The following TRIM16 variants were observed in gnomAD, a reference collection of about 807,000 sequenced individuals.
The protein encoded by TRIM16 is tripartite motif containing 16, also known as tripartite motif-containing protein 16.
A neutral mutation model predicts 50.4 loss-of-function variants in TRIM16; 33 were observed. The observed-to-expected ratio is 0.65, with a 90% CI of 0.50 to 0.88. TRIM16 has a LOEUF of 0.88. Among genes scored for constraint, TRIM16 ranks in the 40% least tolerant of loss-of-function variants. The pLI, the probability that TRIM16 is intolerant of heterozygous loss-of-function variation, is 0.00. For missense variants in TRIM16, 581 were observed against 686.8 expected, an observed-to-expected ratio of 0.85 and a Z score of 1.72; for synonymous variants, 229 against 270.7, an observed-to-expected ratio of 0.85 and a Z score of 1.51.
At chr17:15,667,444 A>G (rs576807394) in intron 6 of TRIM16, among the ~76,000 whole-genome samples, 19 of 152,372 alleles carry the variant, frequency 1.2e-4, no homozygotes, top group South Asian at 8.3e-4. Context: ...ACATGACTTT[A>G]TAACATTCTA....
chr17:15,674,690 AT>A (rs1988855112), intron 6 of TRIM16, among the ~76,000 whole-genome samples: 2 of 152,116 alleles, frequency 1.3e-5, no homozygotes, highest in Admixed American at 1.3e-4. Context: ...TGTTCTTGCC[AT>A]TTTGGACCAG....
At chr17:15,664,186 G>A (rs75551447) in intron 6 of TRIM16, among the ~76,000 whole-genome samples, 3,765 of 152,290 alleles carry the variant, frequency 0.025, 121 homozygotes, top group African/African-American at 0.072. Context: ...TGAAGAAGCA[G>A]CACAGATGAT....
intron 8 of TRIM16, among the ~76,000 whole-genome samples, chr17:15,638,542 C>G (rs530250698): frequency 6.7e-6 from 1 of 149,368 alleles, no homozygotes; most frequent in South Asian, 2.2e-4. Context: ...TGCACTCCAG[C>G]CCTATCCCAT....
At position 15,675,784 on chromosome 17, in the gene TRIM16, C is replaced by T. The variant is rs143661661; in HGVS notation, c.-338+1392G>A. 7.0e-3 allele frequency: 1,069 copies of T among 152,362 alleles called. 13 individuals carry two copies. The highest frequency in any genetic ancestry group is 0.025 in the African/African-American group (1,020 of 40,464). 9.4% of individuals were successfully genotyped at this position (152,362 alleles called of 1,614,324 possible). On this transcript the variant is annotated intron_variant, in intron 6 of 11. Transcript: ENST00000649191. ...ACATACGTATGTGTATATACACATA[C>T]GTATATATACATGTGTATATACATA...
chr17:15,636,522 C>CG (rs1315038070), intron 8 of TRIM16, among the ~76,000 whole-genome samples: 3 of 149,184 alleles, frequency 2.0e-5, no homozygotes, highest in Admixed American at 2.0e-4. Flanking sequence ...CCTCACAACT[C>CG]TGACACTCCG....
At chr17:15,645,668 T>C (rs146022728) in intron 7 of TRIM16, among the ~76,000 whole-genome samples, 5,131 of 152,298 alleles carry the variant, frequency 0.034, 106 homozygotes, top group Non-Finnish European at 0.048. Flanking sequence ...GAGCATAAAC[T>C]GTCTCTCCAT....
At chr17:15,675,477 A>G (rs1006729408) in intron 6 of TRIM16, 2 of 169,346 alleles carry the variant, frequency 1.2e-5, no homozygotes, top group Admixed American at 6.5e-5. Flanking sequence ...GAAAAACCCT[A>G]CAAGTGTAAA....
intron 11 of TRIM16, among the ~76,000 whole-genome samples, chr17:15,629,563 G>GTAC (rs1986299692): frequency 6.6e-6 from 1 of 152,268 alleles, no homozygotes; most frequent in Non-Finnish European, 1.5e-5. Context: ...GGGGAAGCAG[G>GTAC]TACTCCTATA....
chr17:15,642,024 A>G (rs1388409566), intron 8 of TRIM16, among the ~76,000 whole-genome samples: 3 of 148,070 alleles, frequency 2.0e-5, no homozygotes, highest in Admixed American at 2.0e-4. Context: ...TGTATTTTTT[A>G]GTAGAGTCAG....
chr17:15,665,911 C>G (rs1256898050), intron 6 of TRIM16, among the ~76,000 whole-genome samples: 1 of 152,014 alleles, frequency 6.6e-6, no homozygotes, highest in Non-Finnish European at 1.5e-5. Flanking sequence ...TAAGGCCTCC[C>G]TAGATCCCAA....
In TRIM16 at chr17:15,627,988, T is replaced by C. The variant is rs1986192646; in HGVS notation, c.*627A>G. 1 of 152,266 alleles carries C rather than the reference T, an allele frequency of 6.6e-6. No homozygotes were observed. Among genetic ancestry groups the C allele is most frequent in the Non-Finnish European group, 1.5e-5 (1 of 68,086 alleles). 9.4% of individuals were successfully genotyped at this position (152,266 alleles called of 1,614,324 possible). A position where few individuals can be genotyped will look rare whatever the true frequency, so the allele number is the denominator to read the frequency against. On this transcript the variant is annotated 3_prime_UTR_variant, in exon 12 of 12. Transcript: ENST00000649191. ...AAATACGCAAGTTAGCAATTTATTA[T>C]GATAACTCTGCAATCTTTTCAGCCA...
chr17:15,658,969 G>A, intron 6 of TRIM16: 1 of 682,416 alleles, frequency 1.5e-6, no homozygotes, highest in East Asian at 1.4e-4. Context: ...GCAGATTACA[G>A]ACACTAAGGG....
chr17:15,664,619 C>T (rs1360070959), intron 6 of TRIM16, among the ~76,000 whole-genome samples: 4 of 152,220 alleles, frequency 2.6e-5, no homozygotes, highest in African/African-American at 7.2e-5. Context: ...TCAACTCTAG[C>T]GTCTCAGAGC....
chr17:15,679,946 A>AG (rs1371018511), intron 4 of TRIM16, among the ~76,000 whole-genome samples: 1 of 151,606 alleles, frequency 6.6e-6, no homozygotes, highest in East Asian at 1.9e-4. Context: ...CAAAAAAAAA[A>AG]AAAAAGAAAA....
Position 15,628,927 on chromosome 17 carries a change from G to A in TRIM16, c.1383C>T (p.Ser461=), listed in dbSNP as rs752850939. ...GGAGGCTCCAGGAGAAGTTGTTTCC[G>A]GAAATGCAACTGTTGCGCTCCTCCC... is the stretch of plus-strand genomic sequence containing the variant. The part of the protein sequence containing the change: ...RKGEERNSCI[S]GNNFSWSLQW... Residue 461 remains serine (S), a synonymous_variant, in exon 12 of 12, where the codon TCC becomes TCT. Coordinates refer to ENST00000649191, the MANE Select transcript of TRIM16 (RefSeq NM_001348119.1). The A allele has an allele frequency of 6.2e-6, 10 of 1,614,072 alleles. No individual in the cohort carries two copies. The highest frequency in any genetic ancestry group is 2.7e-5 in the African/African-American group (2 of 74,910).
At position 15,644,519 on chromosome 17, in the gene TRIM16, T is replaced by G. The variant is rs191095276; in HGVS notation, c.520-1703A>C. On this transcript the variant is annotated intron_variant, in intron 7 of 11. Transcript: ENST00000649191. ...TTGGGTTTATATGGAGGCTTCATGA[T>G]GTAGGCATGATTGATTACATCACTG... Among the ~76,000 whole-genome samples, 137 of 152,322 alleles carry G rather than the reference T, an allele frequency of 9.0e-4. 3 individuals are homozygous for G. Among genetic ancestry groups the G allele is most frequent in the Admixed American group, 9.0e-3 (137 of 15,302 alleles).
chr17:15,648,865 C>A (rs758333249), intron 7 of TRIM16, among the ~76,000 whole-genome samples: 4 of 152,160 alleles, frequency 2.6e-5, no homozygotes, highest in Non-Finnish European at 5.9e-5. Flanking sequence ...GACAAGGACA[C>A]AGAAAGGACA....
At chr17:15,665,423 G>A (rs146839992) in intron 6 of TRIM16, among the ~76,000 whole-genome samples, 264 of 147,112 alleles carry the variant, frequency 1.8e-3, no homozygotes, top group South Asian at 4.0e-3. Flanking sequence ...GCAGGAGAAT[G>A]GCGTGAACCC....
At chr17:15,630,216 TC>T (rs1986344261) in intron 11 of TRIM16, among the ~76,000 whole-genome samples, 1 of 152,112 alleles carries the variant, frequency 6.6e-6, no homozygotes, top group Admixed American at 6.5e-5. Flanking sequence ...CGAGATGTGA[TC>T]ACGCCCTACT....
Sources: gnomAD v4.1 joint callset for allele counts (sites outside exome capture counted in the v4.1 genomes callset) on GRCh38, gnomAD v4.1.1 for gene constraint, MANE v1.5 for transcripts, NCBI Gene and HGNC (gene_info 2026-07-23, HGNC 2026-07-21) for gene names.